NCOR2: variants seen among roughly 807,000 people sequenced by gnomAD.
NCOR2 encodes nuclear receptor corepressor 2, also known as CTG repeat protein 26.
Under a neutral mutation model 262.9 loss-of-function variants are expected in NCOR2, and 81 were observed. That is an observed-to-expected ratio of 0.31 (90% CI 0.26 to 0.37). The LOEUF (loss-of-function observed/expected upper bound fraction) is 0.37. NCOR2 is among the 10% of genes least tolerant of loss of function. NCOR2 has a pLI of 1.00. For missense variants in NCOR2, 3,385 were observed against 3,621.4 expected (o/e 0.93, Z 1.68); for synonymous variants, 1,659 against 1,559.3 (o/e 1.06, Z -1.51).
intron 8 of NCOR2, among the ~76,000 whole-genome samples, chr12:124,431,302 GAC>G (rs1047154587): frequency 1.4e-5 from 2 of 147,958 alleles, no homozygotes; most frequent in Non-Finnish European, 3.0e-5. Context: ...TACAGTCACA[GAC>G]ACACACAGTC....
At position 124,325,590 on chromosome 12, in the gene NCOR2, G is replaced by A. The variant is rs2034552306; in HGVS notation, c.7364-7C>T. ...TAGGGGAATGGCGTGGAACCTGCGG[G>A]AAGAAGCGAAAGATGCCCAGGAGGC... On this transcript the variant is annotated splice_region_variant and splice_polypyrimidine_tract_variant and intron_variant, in intron 46 of 46. Coordinates refer to ENST00000405201, the Ensembl canonical transcript of NCOR2. The A allele has an allele frequency of 1.6e-6, 2 of 1,273,114 alleles. No individual in the cohort carries two copies. The highest frequency in any genetic ancestry group is 1.5e-5 in the African/African-American group (1 of 65,608). The allele number at this position is 1,273,114 out of a possible 1,614,324, so 78.9% of individuals were successfully genotyped here.
At chr12:124,324,796 AAC>A (rs2034508822) in exon 47 of NCOR2, 1 of 152,498 alleles carries the variant, frequency 6.6e-6, no homozygotes, top group Non-Finnish European at 1.5e-5. Flanking sequence ...GTGTGAAAAA[AAC>A]AGTCCAGTCC....
chr12:124,325,377 G>GCGCC, exon 47 of NCOR2: 11 of 246,782 alleles, frequency 4.5e-5, no homozygotes, highest in Non-Finnish European at 6.6e-5. Flanking sequence ...ACCTGACACC[G>GCGCC]CCCCCCCCCC....
intron 12 of NCOR2, among the ~76,000 whole-genome samples, chr12:124,421,170 CCTCA>C (rs1013596857): frequency 1.5e-4 from 23 of 152,256 alleles, no homozygotes; most frequent in African/African-American, 5.3e-4. Context: ...CAGACGTCAG[CCTCA>C]CTCACTGTCA....
chr12:124,427,539 C>G (rs1397851110), intron 10 of NCOR2, among the ~76,000 whole-genome samples: 1 of 152,214 alleles, frequency 6.6e-6, no homozygotes, highest in Admixed American at 6.5e-5. Flanking sequence ...CCAGTTCAAA[C>G]GATCCAGCTG....
At chr12:124,496,916 T>C (rs1444161589), upstream of NCOR2, among the ~76,000 whole-genome samples, 1 of 152,106 alleles carries the variant, frequency 6.6e-6, no homozygotes, top group Non-Finnish European at 1.5e-5. The surrounding 1 kb of genome is among the most constrained non-coding windows in gnomAD (Gnocchi z 4.4). Flanking sequence ...GGATCTAAGC[T>C]GGGAATGAAA....
chr12:124,565,047 A>G (rs1220974959), intron 1 of NCOR2, among the ~76,000 whole-genome samples: 2 of 152,070 alleles, frequency 1.3e-5, no homozygotes, highest in Non-Finnish European at 2.9e-5. Context: ...AAAAGAACAG[A>G]TTATGCCAAA....
intron 8 of NCOR2, among the ~76,000 whole-genome samples, chr12:124,436,134 T>C (rs986797919): frequency 6.6e-6 from 1 of 152,234 alleles, no homozygotes; most frequent in African/African-American, 2.4e-5. Context: ...GCTCCGTGAC[T>C]ACTGGCATCC....
intron 11 of NCOR2, 139 bp from the exon 14 acceptor site, chr12:124,422,694 G>T (rs1490568647): frequency 3.3e-6 from 3 of 913,264 alleles, no homozygotes; most frequent in South Asian, 1.5e-5. Flanking sequence ...TTAAGCCCAG[G>T]GGGGTGTGGG....
rs1413094748 is a variant in NCOR2, at chr12:124,350,855, C to G, written c.3694-118G>C. 3 of 1,047,144 alleles carry G rather than the reference C, an allele frequency of 2.9e-6. No individual in the cohort carries two copies. In the African/African-American group the frequency reaches 4.8e-5, roughly 17 times the overall value. The allele number at this position is 1,047,144 out of a possible 1,614,324, so 64.9% of individuals were successfully genotyped here. A position where few individuals can be genotyped will look rare whatever the true frequency, so the allele number is the denominator to read the frequency against. On this transcript the variant is annotated intron_variant, in intron 27 of 46. Transcript: ENST00000405201. ...GCCCACCGATGCACACGCGTGTCCA[C>G]ACACACACTGTCTCAAATAGGTAAG...
chr12:124,552,013 T>TA (rs1443737720), intron 1 of NCOR2, among the ~76,000 whole-genome samples: 2 of 150,444 alleles, frequency 1.3e-5, no homozygotes, highest in Admixed American at 6.6e-5. Flanking sequence ...CTTAAGGGAT[T>TA]AAAAAAAAAG....
chr12:124,398,576 G>A (rs1030852478), intron 15 of NCOR2, among the ~76,000 whole-genome samples: 2 of 152,216 alleles, frequency 1.3e-5, no homozygotes, highest in Non-Finnish European at 2.9e-5. Flanking sequence ...GTGACGTGGC[G>A]ACAGTGGGAC....
upstream of NCOR2, chr12:124,538,188 CAGAGTCCCAG>C (rs1257061355): frequency 6.5e-6 from 1 of 152,706 alleles, no homozygotes; most frequent in Non-Finnish European, 1.5e-5. Flanking sequence ...CCCCAACAGA[CAGAGTCCCAG>C]GGTGTCCCGG....
Position 124,548,414 on chromosome 12 carries a change from G to A in NCOR2, c.-164-12803C>T, listed in dbSNP as rs1197221595. On this transcript the variant is annotated intron_variant, in intron 1 of 32. Coordinates refer to the NCOR2 transcript ENST00000458234. The surrounding 1 kb of genome is among the most constrained non-coding windows in gnomAD (Gnocchi z 5.1). ...GCTGCAACTCAGAGACCAGACAGGTGTGACCAGAGTGGACTGGGGACCCCG... is the reference window on the plus strand; with the variant it reads ...GCTGCAACTCAGAGACCAGACAGGTATGACCAGAGTGGACTGGGGACCCCG... Among the ~76,000 whole-genome samples the A allele has an allele frequency of 6.6e-6, 1 of 152,170 alleles. No homozygotes were observed. Among genetic ancestry groups the A allele is most frequent in the Non-Finnish European group, 1.5e-5 (1 of 68,030 alleles).
In NCOR2 at chr12:124,503,601, TGGACGGAC is replaced by T. The variant is rs778870402; in HGVS notation, c.-117-8241_-117-8234del. 2.3e-5 allele frequency among the ~76,000 whole-genome samples: 3 copies of T among 131,792 alleles called. No homozygotes were observed. Among genetic ancestry groups the T allele is most frequent in the South Asian group, 2.4e-4 (1 of 4,182 alleles). The allele number at this position is 131,792 out of a possible 152,430, so 86.5% of individuals were successfully genotyped here. ...ACGGACGGATGGACGGATGGATGGATGGACGGACGGACGGATGGATGGATGGATGGATG... is the reference window on the plus strand; with the variant it reads ...ACGGACGGATGGACGGATGGATGGATGGACGGATGGATGGATGGATGGATG... On this transcript the variant is annotated intron_variant, in intron 1 of 46. Transcript: ENST00000404621. The surrounding 1 kb of genome is among the most constrained non-coding windows in gnomAD (Gnocchi z 4.3).
chr12:124,390,394 C>T (rs2041209035), intron 16 of NCOR2, among the ~76,000 whole-genome samples: 1 of 152,204 alleles, frequency 6.6e-6, no homozygotes, highest in South Asian at 2.1e-4. Flanking sequence ...CGGGTTTTCT[C>T]ACAGATGTGC....
chr12:124,451,890 CACAG>C (rs780262838), intron 6 of NCOR2, among the ~76,000 whole-genome samples: 4 of 151,080 alleles, frequency 2.6e-5, no homozygotes, highest in Non-Finnish European at 4.4e-5. Context: ...TACAGAGCCT[CACAG>C]ACAGTCTCGG....
rs1252450963 is a variant in NCOR2, at chr12:124,363,812, G to GAGC, written c.2808-16_2808-14dup. 7.5e-7 allele frequency: 1 copy of GAGC among 1,337,342 alleles called. No homozygotes were observed. Among genetic ancestry groups the GAGC allele is most frequent in the Non-Finnish European group, 9.6e-7 (1 of 1,038,424 alleles). The allele number at this position is 1,337,342 out of a possible 1,614,324, so 82.8% of individuals were successfully genotyped here. On this transcript the variant is annotated splice_polypyrimidine_tract_variant and intron_variant, in intron 20 of 46. Coordinates refer to ENST00000405201, the Ensembl canonical transcript of NCOR2. ...TGGGGACAGCAGCCTGCGGGCACAC[G>GAGC]AGCACCATCAGCTGGGGGCCCACAG... is the stretch of plus-strand genomic sequence containing the variant.
chr12:124,471,167 C>G (rs1379236553), intron 4 of NCOR2, among the ~76,000 whole-genome samples: 4 of 152,258 alleles, frequency 2.6e-5, no homozygotes, highest in Non-Finnish European at 2.9e-5. Flanking sequence ...AACCACGTGA[C>G]AGCCACGATG....
Sources: gnomAD v4.1 joint callset for allele counts (sites outside exome capture counted in the v4.1 genomes callset) on GRCh38, gnomAD v4.1.1 for gene constraint, Gnocchi (gnomAD v3.1) non-coding constraint, MANE v1.5 for transcripts, NCBI Gene and HGNC (gene_info 2026-07-23, HGNC 2026-07-21) for gene names.